Variants in DMD observed in about 807,000 individuals in gnomAD.
DMD encodes the protein dystrophin, also known as mutant dystrophin.
A neutral mutation model predicts 330.1 loss-of-function variants in DMD; 63 were observed. The ratio of observed to expected loss-of-function variants is 0.19; its 90% CI spans 0.16 to 0.24. The LOEUF (loss-of-function observed/expected upper bound fraction) is 0.24. Among genes scored for constraint, DMD ranks in the 10% least tolerant of loss-of-function variants. The probability of loss-of-function intolerance (pLI) is 1.00; values close to 1 mark genes in which losing one functional copy is unlikely to be tolerated. For synonymous variants in DMD, 1,223 were observed against 959.8 expected (o/e 1.27, Z -5.07); for missense variants, 3,344 against 2,684.1 (o/e 1.25, Z -5.43).
intron 45 of DMD, among the ~76,000 whole-genome samples, chrX:31,965,935 C>A (rs2095346964): frequency 9.0e-6 from 1 of 111,278 alleles, no homozygotes; most frequent in African/African-American, 3.3e-5. Flanking sequence ...GATTTTTTTT[C>A]CTATTTCTAA....
chrX:31,623,504 C>T (rs887175861), intron 55 of DMD, among the ~76,000 whole-genome samples: 43 of 111,428 alleles, frequency 3.9e-4, no homozygotes, highest in African/African-American at 1.2e-3. Context: ...CCTCGTGATC[C>T]GCCCGCCTCT....
chrX:33,336,040 T>C (rs1319986604), intron 1 of DMD, among the ~76,000 whole-genome samples: 1 of 111,272 alleles, frequency 9.0e-6, no homozygotes, highest in Non-Finnish European at 1.9e-5. Flanking sequence ...TCTCACCTTC[T>C]TCAGGAATTG....
intron 2 of DMD, among the ~76,000 whole-genome samples, chrX:32,949,965 C>CAAAAAAAA (rs201823049): frequency 4.0e-5 from 3 of 74,940 alleles, no homozygotes; most frequent in Non-Finnish European, 8.0e-5. Flanking sequence ...GGTGCAGAGG[C>CAAAAAAAA]AAAAAAAAAA....
chrX:32,403,177 G>A (rs1431959930), intron 30 of DMD, among the ~76,000 whole-genome samples: 8 of 111,941 alleles, frequency 7.1e-5, no homozygotes, highest in African/African-American at 1.9e-4. Flanking sequence ...GTTATGCTAA[G>A]TGTTATCTGG....
chrX:32,999,694 T>G (rs76271048), intron 2 of DMD, among the ~76,000 whole-genome samples: 3,585 of 109,995 alleles, frequency 0.033, 127 homozygotes, highest in East Asian at 0.19. Context: ...GAGAATCGCT[T>G]GAACTAGGGA....
intron 30 of DMD, among the ~76,000 whole-genome samples, chrX:32,405,732 C>T (rs1444715888): frequency 9.0e-6 from 1 of 111,322 alleles, no homozygotes; most frequent in East Asian, 2.8e-4. Flanking sequence ...CTTGGCGATG[C>T]AGGCTCCTTT....
chrX:32,171,668 A>C (rs1022494873), intron 44 of DMD, among the ~76,000 whole-genome samples: 2 of 111,684 alleles, frequency 1.8e-5, no homozygotes, highest in African/African-American at 6.5e-5. Context: ...TGAAAAATAA[A>C]GAAAGTATGT....
chrX:31,139,979 G>C (rs1400224309), intron 76 of DMD, among the ~76,000 whole-genome samples: 1 of 112,675 alleles, frequency 8.9e-6, no homozygotes, highest in Non-Finnish European at 1.9e-5. Context: ...CATAGTCAAA[G>C]TTAAATAGTA....
chrX:31,947,903 G>C (rs2095109560), intron 45 of DMD, among the ~76,000 whole-genome samples: 1 of 109,711 alleles, frequency 9.1e-6, no homozygotes, highest in South Asian at 4.0e-4. Flanking sequence ...GAACACTTAA[G>C]ACATATCCTC....
At chrX:32,032,063 TG>T (rs1326596695) in intron 44 of DMD, among the ~76,000 whole-genome samples, 1 of 111,449 alleles carries the variant, frequency 9.0e-6, no homozygotes, top group African/African-American at 3.3e-5. Flanking sequence ...TACATATTTT[TG>T]GGGGGGATTA....
intron 4 of DMD, among the ~76,000 whole-genome samples, chrX:32,826,765 G>C (rs1328233768): frequency 1.8e-5 from 2 of 110,982 alleles, no homozygotes; most frequent in Non-Finnish European, 3.8e-5. Context: ...ATAAATTCAA[G>C]AGATCTACTG....
intron 50 of DMD, among the ~76,000 whole-genome samples, chrX:31,787,004 T>C (rs1254254371): frequency 8.9e-6 from 1 of 112,517 alleles, no homozygotes; most frequent in Non-Finnish European, 1.9e-5. Flanking sequence ...CTCTGGTCTA[T>C]TTACGTAATA....
intron 17 of DMD, among the ~76,000 whole-genome samples, chrX:32,530,775 G>C (rs1242055391): frequency 1.8e-5 from 2 of 111,756 alleles, no homozygotes; most frequent in Non-Finnish European, 3.8e-5. Context: ...AAGTCCCTTT[G>C]AAACACACTT....
intron 1 of DMD, among the ~76,000 whole-genome samples, chrX:33,333,762 T>C (rs1160043217): frequency 9.0e-6 from 1 of 111,404 alleles, no homozygotes; most frequent in African/African-American, 3.3e-5. Flanking sequence ...TATAAATAAC[T>C]CATTGCTAAT....
At chrX:32,664,537 G>A (rs1017158220) in intron 9 of DMD, among the ~76,000 whole-genome samples, 1 of 111,149 alleles carries the variant, frequency 9.0e-6, no homozygotes, top group African/African-American at 3.3e-5. Flanking sequence ...CACCGCATCC[G>A]GCCAAACCTG....
chrX:31,405,742 T>C (rs1465163415), intron 60 of DMD, among the ~76,000 whole-genome samples: 1 of 111,677 alleles, frequency 9.0e-6, no homozygotes, highest in African/African-American at 3.2e-5. Flanking sequence ...AAGTGCCCTT[T>C]GGAAATACTT....
chrX:32,997,126 AG>A (rs926968608), intron 2 of DMD, among the ~76,000 whole-genome samples: 13 of 111,491 alleles, frequency 1.2e-4, no homozygotes, highest in African/African-American at 2.3e-4. Context: ...TGTACCTAAT[AG>A]GTAATTTCTC....
intron 2 of DMD, among the ~76,000 whole-genome samples, chrX:32,860,507 A>G (rs188031556): frequency 8.9e-6 from 1 of 111,993 alleles, no homozygotes; most frequent in Non-Finnish European, 1.9e-5. Context: ...AACTTACTGA[A>G]GAACGCTGCT....
intron 55 of DMD, among the ~76,000 whole-genome samples, chrX:31,609,152 T>C (rs1484640722): frequency 9.0e-6 from 1 of 111,378 alleles, no homozygotes; most frequent in African/African-American, 3.3e-5. Flanking sequence ...TTCCAGATTC[T>C]TGTATAAGGA....
Sources: allele counts gnomAD v4.1 joint callset (sites outside exome capture counted in the v4.1 genomes callset), GRCh38; gene constraint gnomAD v4.1.1; transcripts MANE v1.5; gene names NCBI Gene and HGNC (gene_info 2026-07-23, HGNC 2026-07-21).